The following PNCK variants were observed in gnomAD, a reference collection of about 807,000 sequenced individuals.
PNCK encodes the protein pregnancy up-regulated nonubiquitous CaM kinase.
In PNCK, 21 loss-of-function variants were observed where a neutral mutation model predicts 28.3. The ratio of observed to expected loss-of-function variants is 0.74; its 90% confidence interval spans 0.53 to 1.07. The LOEUF (loss-of-function observed/expected upper bound fraction) is 1.07, where lower values mean the gene tolerates loss of function less well. Ranked by LOEUF, PNCK falls within the 50% of genes least tolerant of loss-of-function variation. PNCK has a pLI of 0.00. For missense variants in PNCK, 250 were observed against 298.3 expected (o/e 0.84, Z 1.19); for synonymous variants, 136 against 125.2 (o/e 1.09, Z -0.58).
chrX:153,674,280 T>C, upstream of PNCK: 1 of 1,040,537 alleles, frequency 9.6e-7, no homozygotes, highest in East Asian at 3.1e-5. Flanking sequence ...TCACCCTCGC[T>C]TTCTTCTCTA....
At chrX:153,670,361 C>T (rs2091278072) in intron 11 of PNCK, 89 bp downstream of exon 11, 1 of 1,147,284 alleles carries the variant, frequency 8.7e-7, no homozygotes, top group South Asian at 1.9e-5. Flanking sequence ...GGGGCCACCC[C>T]ACTTAGCTCT....
intron 1 of PNCK, chrX:153,686,900 G>C (rs2091422758): frequency 8.8e-6 from 1 of 113,173 alleles, no homozygotes; most frequent in Non-Finnish European, 1.9e-5. Context: ...AAAGCTGGAC[G>C]GATGGCCGCG....
chrX:153,671,332 G>A lies in PNCK; in HGVS notation c.567C>T (p.Tyr189=), dbSNP rs377279617. The A allele has an allele frequency of 1.1e-5, 13 of 1,209,997 alleles. No individual in the cohort carries two copies. Among genetic ancestry groups the A allele is most frequent in the East Asian group, 5.9e-5 (2 of 33,767 alleles). Residue 189 remains tyrosine (Y), a synonymous_variant, in exon 7 of 12, where the codon TAC becomes TAT. Coordinates refer to ENST00000340888, the MANE Select transcript of PNCK (RefSeq NM_001366977.1). ...VAPELLEQKP[Y]GKAVDVWALG... Reference sequence around the variant, plus strand: ...GGGCCCACACATCTACGGCCTTCCCGTAGGGTTTCTGCTCCAAGAGCTCTG... The same window carrying A: ...GGGCCCACACATCTACGGCCTTCCCATAGGGTTTCTGCTCCAAGAGCTCTG...
rs369961126 is a variant in PNCK at position 153,671,335 on chromosome X, G to A, written c.564C>T (p.Pro188=). The A allele has an allele frequency of 2.5e-6, 3 of 1,211,972 alleles. No homozygotes were observed. The South Asian group carries it at 5.3e-5, about 21-fold the overall frequency. ...YVAPELLEQK[P]YGKAVDVWAL... is the part of the protein sequence containing the mutation. ...CCCACACATCTACGGCCTTCCCGTA[G>A]GGTTTCTGCTCCAAGAGCTCTGGGG... The change falls in exon 7 of 12, where the codon CCC becomes CCT. Residue 188 remains proline (P), a synonymous_variant. Coordinates refer to ENST00000340888, the MANE Select transcript of PNCK (RefSeq NM_001366977.1).
At position 153,686,015 on chromosome X, in the gene PNCK, G is replaced by C. The variant is rs782815517; in HGVS notation, c.-3+1416C>G. ...AGGAGGTCGTGGGAGTCAGGTATGG[G>C]GGCCCACTGGACCTCCCCTCAGATG... On this transcript the variant is annotated intron_variant, in intron 1 of 3. Transcript: ENST00000419804. Among the ~76,000 whole-genome samples, 6 of 112,096 alleles carry C rather than the reference G, an allele frequency of 5.4e-5. No homozygotes were observed. The East Asian group carries it at 1.4e-3, about 26-fold the overall frequency.
Position 153,671,724 on chromosome X carries a change from G to T in PNCK, c.415-52C>A, listed in dbSNP as rs12007936. The T allele has an allele frequency of 2.1e-4, 240 of 1,165,089 alleles. 1 individual carries two copies. The African/African-American group carries it at 3.8e-3, about 18-fold the overall frequency. On this transcript the variant is annotated intron_variant, in intron 5 of 11. Coordinates refer to ENST00000340888, the MANE Select transcript of PNCK (RefSeq NM_001366977.1). ...GGCCAGTCAGTCCTGACGCGGTGCC[G>T]GTGCTGGGACAGGATGGGGACTAGG...
upstream of PNCK, among the ~76,000 whole-genome samples, chrX:153,677,502 A>T (rs1254943479): frequency 1.8e-5 from 2 of 108,312 alleles, no homozygotes; most frequent in Non-Finnish European, 3.8e-5. Flanking sequence ...TGACAGCAAG[A>T]ACTTATAGTG....
upstream of PNCK, chrX:153,675,082 T>A (rs1246046241): frequency 9.0e-6 from 1 of 111,428 alleles, no homozygotes; most frequent in African/African-American, 3.3e-5. Flanking sequence ...AATGGTTTCC[T>A]GGGACCGACA....
chrX:153,679,566 CTTTTTT>C (rs1211891003), upstream of PNCK, among the ~76,000 whole-genome samples: 769 of 46,063 alleles, frequency 0.017, 11 homozygotes, highest in African/African-American at 0.066. Flanking sequence ...CTTTTCTTTT[CTTTTTT>C]TTTTTTTTTT....
upstream of PNCK, among the ~76,000 whole-genome samples, chrX:153,679,566 C>CTTTTCT (rs1234242873): frequency 1.4e-3 from 63 of 46,083 alleles, no homozygotes; most frequent in African/African-American, 3.9e-3. Context: ...CTTTTCTTTT[C>CTTTTCT]TTTTTTTTTT....
intron 1 of PNCK, chrX:153,673,379 T>C: frequency 1.0e-6 from 1 of 965,662 alleles, no homozygotes; most frequent in South Asian, 2.2e-5. Context: ...TCCAGAAGGC[T>C]CCATGCTCAC....
intron 1 of PNCK, 30 bp from the exon 2 acceptor site, chrX:153,673,108 T>C: frequency 8.6e-7 from 1 of 1,159,024 alleles, no homozygotes; most frequent in Non-Finnish European, 1.2e-6. Flanking sequence ...GTGATGGGGG[T>C]CTCTCCCCGC....
chrX:153,671,292 A>G lies in PNCK; in HGVS notation c.607T>C (p.Tyr203His). 8.3e-7 allele frequency: 1 copy of G among 1,209,484 alleles called. No homozygotes were observed. The highest frequency in any genetic ancestry group is 1.1e-6 in the Non-Finnish European group (1 of 893,872). The change falls in exon 7 of 12, where the codon TAC (tyrosine) becomes CAC (histidine). Residue 203 changes from tyrosine to histidine, a missense_variant. Physicochemically the swap from Tyr to His is moderately conservative, Grantham distance 83. Coordinates refer to ENST00000340888, the MANE Select transcript of PNCK (RefSeq NM_001366977.1). ...TTCCCAGCGGTCACTCACAGGATGT[A>G]GGAGATGACGCCCAGGGCCCACACA... ...VDVWALGVIS[Y>H]ILLCGYPPFY...
chrX:153,673,261 G>T, intron 1 of PNCK, 183 bp from the exon 2 acceptor site: 1 of 1,192,756 alleles, frequency 8.4e-7, no homozygotes, highest in Non-Finnish European at 1.1e-6. Flanking sequence ...CCGCATACAC[G>T]CCTCCACATC....
At chrX:153,677,809 T>C (rs1286554537), upstream of PNCK, among the ~76,000 whole-genome samples, 1 of 105,466 alleles carries the variant, frequency 9.5e-6, no homozygotes, top group African/African-American at 3.4e-5. Flanking sequence ...ATATATAGTG[T>C]GTATGTATAT....
At position 153,670,048 on chromosome X, in the gene PNCK, C is replaced by T; in HGVS notation, c.*90G>A. 1 of 276,214 alleles carries T rather than the reference C, an allele frequency of 3.6e-6. No homozygotes were observed. Among genetic ancestry groups the T allele is most frequent in the East Asian group, 9.9e-5 (1 of 10,056 alleles). The allele number at this position is 276,214 out of a possible 1,213,427, so 22.8% of individuals were successfully genotyped here. ...CTCAAAATCCAGCAGAGGCCAGCCC[C>T]AGGGGGAGGGGTTGGGGGAGGGGAC... On this transcript the variant is annotated 3_prime_UTR_variant, in exon 12 of 12. Transcript: ENST00000340888.
intron 1 of PNCK, chrX:153,687,166 T>TG: frequency 7.0e-6 from 1 of 143,414 alleles, no homozygotes; most frequent in Non-Finnish European, 1.3e-5. Context: ...ACGGGGTGGG[T>TG]GGGGGGCGGG....
At chrX:153,677,586 G>GTA (rs781789549), upstream of PNCK, among the ~76,000 whole-genome samples, 1,252 of 98,366 alleles carry the variant, frequency 0.013, 23 homozygotes, top group African/African-American at 0.044. Flanking sequence ...TATATATAGT[G>GTA]TATATATATA....
rs782670579 is a variant in PNCK at position 153,671,162 on chromosome X, C to T, written c.643G>A (p.Glu215Lys). Residue 215 changes from glutamate (E) to lysine (K), a missense_variant, in exon 8 of 12, where the codon GAG (glutamate) becomes AAG (lysine). By Grantham distance (56) the Glu-to-Lys change is moderately conservative (BLOSUM62 1). Coordinates refer to ENST00000340888, the MANE Select transcript of PNCK (RefSeq NM_001366977.1). ...TGGCTGAAGAGCTCAGGGTCGCTCT[C>T]GTCGTAGAAGGGGGGGTACCCACAC... Reference protein sequence around the residue: ...LLCGYPPFYDESDPELFSQIL... With the variant: ...LLCGYPPFYDKSDPELFSQIL... 5.8e-6 allele frequency: 7 copies of T among 1,210,119 alleles called. No homozygotes were observed. The highest frequency in any genetic ancestry group is 7.8e-6 in the Non-Finnish European group (7 of 895,224).
Sources: gnomAD v4.1 joint callset for allele counts (sites outside exome capture counted in the v4.1 genomes callset) on GRCh38, gnomAD v4.1.1 for gene constraint, MANE v1.5 for transcripts, NCBI Gene and HGNC (gene_info 2026-07-23, HGNC 2026-07-21) for gene names.